THSD7A: variants seen among roughly 807,000 people sequenced by gnomAD.
THSD7A encodes thrombospondin type 1 domain containing 7A.
A neutral mutation model predicts 231.3 loss-of-function variants in THSD7A; 96 were observed. The observed-to-expected ratio is 0.41, with a 90% CI of 0.35 to 0.49. The LOEUF is 0.49. Among genes scored for constraint, THSD7A ranks in the 20% least tolerant of loss-of-function variants. The pLI is 0.05. For missense variants in THSD7A, 2,290 were observed against 2,070.2 expected (o/e 1.11, Z -2.06); for synonymous variants, 940 against 743.3 (o/e 1.26, Z -4.30).
intron 1 of THSD7A, among the ~76,000 whole-genome samples, chr7:11,694,162 A>C (rs1040518946): frequency 4.0e-5 from 6 of 151,484 alleles, no homozygotes; most frequent in Admixed American, 3.3e-4. Flanking sequence ...TCTCTTGGCT[A>C]TCTTCTAAGC....
chr7:11,751,137 T>A (rs1184275996), intron 1 of THSD7A: 1 of 152,102 alleles, frequency 6.6e-6, no homozygotes, highest in African/African-American at 2.4e-5. Context: ...TCTTTCTTAC[T>A]TTCTCAGAAG....
At chr7:11,712,490 G>A (rs1199713663) in intron 1 of THSD7A, among the ~76,000 whole-genome samples, 1 of 150,962 alleles carries the variant, frequency 6.6e-6, no homozygotes, top group African/African-American at 2.4e-5. Context: ...GGAAAAGGTC[G>A]ACATTTTGAT....
intron 1 of THSD7A, among the ~76,000 whole-genome samples, chr7:11,670,241 G>T (rs1261736017): frequency 1.3e-5 from 2 of 152,168 alleles, no homozygotes; most frequent in Non-Finnish European, 2.9e-5. Flanking sequence ...ACCAGATTCT[G>T]GAGAGCCTGG....
At position 11,382,623 on chromosome 7, in the gene THSD7A, G is replaced by C. The variant is rs1044183294; in HGVS notation, c.4412-7C>G. 6.2e-7 allele frequency: 1 copy of C among 1,607,248 alleles called. No individual in the cohort carries two copies. On this transcript the variant is annotated splice_region_variant and splice_polypyrimidine_tract_variant and intron_variant, in intron 23 of 27. Coordinates refer to ENST00000423059, the MANE Select transcript of THSD7A (RefSeq NM_015204.3). ...TATTCATAGCACTGTCCATCTGCAG[G>C]GAAATAATAAACATTAGCAGAAGCA...
chr7:11,631,308 G>A (rs1781646786), intron 2 of THSD7A, among the ~76,000 whole-genome samples: 1 of 152,044 alleles, frequency 6.6e-6, no homozygotes. Context: ...TTAAACTGTA[G>A]ATTATTTCCT....
rs531252913 is a variant in THSD7A at position 11,563,205 on chromosome 7, A to T, written c.1454-20088T>A. Among the ~76,000 whole-genome samples the T allele has an allele frequency of 3.6e-3, 548 of 151,732 alleles. 1 individual carries two copies. Among genetic ancestry groups the T allele is most frequent in the African/African-American group, 0.013 (527 of 41,346 alleles). ...ATAAACCCCATCATACTTAAAAAAA[A>T]TTTATAACACATTGTTTTCAAAGCT... On this transcript the variant is annotated intron_variant, in intron 4 of 27. Transcript: ENST00000423059.
intron 23 of THSD7A, chr7:11,384,398 T>C (rs1369966357): frequency 1.3e-5 from 2 of 151,910 alleles, no homozygotes; most frequent in East Asian, 1.9e-4. Context: ...AATTTTTTCA[T>C]TTTTGTTTGT....
In THSD7A at chr7:11,382,612, T is replaced by C. The variant is rs967268771; in HGVS notation, c.4416A>G (p.Gly1472=). Residue 1472 remains glycine (G), a synonymous_variant, in exon 24 of 28, where the codon GGA becomes GGG. Transcript: ENST00000423059. Reference sequence around the variant, plus strand: ...CCATCCATTTATATTCATAGCACTGTCCATCTGCAGGGAAATAATAAACAT... The same window carrying C: ...CCATCCATTTATATTCATAGCACTGCCCATCTGCAGGGAAATAATAAACAT... ...QMLETKSCYD[G]QCYEYKWMAS... 6.2e-7 allele frequency: 1 copy of C among 1,611,340 alleles called. No individual in the cohort carries two copies. The highest frequency in any genetic ancestry group is 1.3e-5 in the African/African-American group (1 of 74,824).
intron 14 of THSD7A, among the ~76,000 whole-genome samples, chr7:11,427,794 C>G (rs1784367398): frequency 6.6e-6 from 1 of 152,048 alleles, no homozygotes; most frequent in South Asian, 2.1e-4. Flanking sequence ...ACTGAATTTT[C>G]TTTGGAAATT....
intron 8 of THSD7A, among the ~76,000 whole-genome samples, 155 bp from the exon 9 acceptor site, chr7:11,470,149 A>G (rs1785878273): frequency 6.6e-6 from 1 of 152,154 alleles, no homozygotes; most frequent in South Asian, 2.1e-4. Flanking sequence ...ACAGGCAAGA[A>G]CTATACAACT....
chr7:11,751,122 C>T (rs1782485085), intron 1 of THSD7A: 1 of 152,052 alleles, frequency 6.6e-6, no homozygotes, highest in South Asian at 2.1e-4. Flanking sequence ...ACCCCAACAC[C>T]CATGTCTTTC....
At chr7:11,796,874 C>A (rs1227911771) in intron 1 of THSD7A, among the ~76,000 whole-genome samples, 1 of 151,928 alleles carries the variant, frequency 6.6e-6, no homozygotes, top group Non-Finnish European at 1.5e-5. Context: ...ATCATTATAT[C>A]TGTAATAAGG....
intron 14 of THSD7A, among the ~76,000 whole-genome samples, chr7:11,427,153 G>A (rs1044734796): frequency 7.9e-5 from 12 of 152,234 alleles, no homozygotes; most frequent in Non-Finnish European, 1.2e-4. Flanking sequence ...CTCAGAGACT[G>A]TTTTCAAGCC....
Position 11,375,609 on chromosome 7 carries a change from G to C in THSD7A, c.*185C>G, listed in dbSNP as rs547436881. 3.7e-6 allele frequency: 2 copies of C among 537,748 alleles called. No individual in the cohort carries two copies. The highest frequency in any genetic ancestry group is 3.4e-5 in the Admixed American group (1 of 29,576). 33.3% of individuals were successfully genotyped at this position (537,748 alleles called of 1,614,324 possible). A position where few individuals can be genotyped will look rare whatever the true frequency, so the allele number is the denominator to read the frequency against. On this transcript the variant is annotated 3_prime_UTR_variant, in exon 28 of 28. Transcript: ENST00000423059. ...CTATAATTCTCACGGTTGATGGTCT[G>C]TATATAAGTGGTACTGTCTTAAATA...
At chr7:11,721,526 GTCAATAAAACC>G (rs771720698) in intron 1 of THSD7A, among the ~76,000 whole-genome samples, 22,655 of 151,648 alleles carry the variant, frequency 0.15, 1,843 homozygotes, top group Admixed American at 0.19. Context: ...GGAACTGTGA[GTCAATAAAACC>G]TCTTTTCTTC....
chr7:11,379,711 C>T lies in THSD7A; in HGVS notation c.4509G>A (p.Gly1503=). Reference sequence around the variant, plus strand: ...CAGGCTGGCTCATCACCAAGCAGCCCCCTGCGGAACAGAAAATCATGTTTT... The same window carrying T: ...CAGGCTGGCTCATCACCAAGCAGCCTCCTGCGGAACAGAAAATCATGTTTT... ...CQRSDGINVT[G]GCLVMSQPDA... The change falls in exon 25 of 28, where the codon GGG becomes GGA. Residue 1503 remains glycine, a splice_region_variant and synonymous_variant. Transcript: ENST00000423059. 1 of 1,583,474 alleles carries T rather than the reference C, an allele frequency of 6.3e-7. No individual in the cohort carries two copies. The highest frequency in any genetic ancestry group is 8.6e-7 in the Non-Finnish European group (1 of 1,163,838).
intron 1 of THSD7A, among the ~76,000 whole-genome samples, chr7:11,813,714 A>AAATAATAAT (rs61350544): frequency 1.9e-4 from 27 of 145,116 alleles, no homozygotes; most frequent in African/African-American, 3.1e-4. Context: ...CTCCATCTCA[A>AAATAATAAT]AATAATAATA....
intron 2 of THSD7A, among the ~76,000 whole-genome samples, chr7:11,628,947 C>A (rs1257882200): frequency 6.6e-6 from 1 of 152,150 alleles, no homozygotes; most frequent in African/African-American, 2.4e-5. Flanking sequence ...GGTATAGCAT[C>A]TTGCAGCTAT....
At chr7:11,780,737 G>C (rs2128174489) in intron 1 of THSD7A, among the ~76,000 whole-genome samples, 1 of 152,218 alleles carries the variant, frequency 6.6e-6, no homozygotes, top group South Asian at 2.1e-4. Flanking sequence ...AAGCCACTGA[G>C]TTTAGAGTAT....
Sources: gnomAD v4.1 joint callset for allele counts (sites outside exome capture counted in the v4.1 genomes callset) on GRCh38, gnomAD v4.1.1 for gene constraint, MANE v1.5 for transcripts, NCBI Gene and HGNC (gene_info 2026-07-23, HGNC 2026-07-21) for gene names.